ABCA13: variants seen among roughly 807,000 people sequenced by gnomAD.
ABCA13 encodes ATP-binding cassette sub-family A member 13.
ABCA13 carries 476 observed loss-of-function variants against 478.7 expected under a neutral mutation model. The ratio of observed to expected loss-of-function variants is 0.99; its 90% confidence interval spans 0.92 to 1.07. The LOEUF is 1.07. ABCA13 is among the 50% of genes least tolerant of loss of function. The pLI is 0.00. For missense variants in ABCA13, 6,060 were observed against 5,910.6 expected (o/e 1.03, Z -0.83); for synonymous variants, 2,252 against 2,158.9 (o/e 1.04, Z -1.20).
intron 54 of ABCA13, among the ~76,000 whole-genome samples, chr7:48,526,966 C>T (rs1250277709): frequency 6.6e-6 from 1 of 152,052 alleles, no homozygotes; most frequent in Non-Finnish European, 1.5e-5. Flanking sequence ...AATTGTTATC[C>T]TCCCAATTTC....
chr7:48,612,962 A>T (rs1346899688), intron 58 of ABCA13, among the ~76,000 whole-genome samples: 2 of 152,188 alleles, frequency 1.3e-5, no homozygotes, highest in Non-Finnish European at 2.9e-5. Context: ...GTACACATGA[A>T]CACTTTTCCA....
At chr7:48,629,629 A>G (rs1793990726) in intron 59 of ABCA13, among the ~76,000 whole-genome samples, 2 of 148,968 alleles carry the variant, frequency 1.3e-5, no homozygotes, top group Non-Finnish European at 3.0e-5. Context: ...CAGTGGCTTA[A>G]AAAATCATTT....
intron 24 of ABCA13, among the ~76,000 whole-genome samples, chr7:48,310,574 G>A (rs571048473): frequency 6.6e-6 from 1 of 152,258 alleles, no homozygotes; most frequent in Admixed American, 6.5e-5. Flanking sequence ...CTCCCTGCAC[G>A]GTGGCCCTAT....
At chr7:48,453,051 A>G (rs919882725) in intron 42 of ABCA13, among the ~76,000 whole-genome samples, 3 of 152,194 alleles carry the variant, frequency 2.0e-5, no homozygotes, top group African/African-American at 7.2e-5. Context: ...TAGTTTAATG[A>G]CATACTTTTT....
intron 59 of ABCA13, among the ~76,000 whole-genome samples, chr7:48,636,196 T>C (rs1359516011): frequency 3.3e-5 from 5 of 152,334 alleles, no homozygotes; most frequent in African/African-American, 1.2e-4. Flanking sequence ...ATTTGAATGA[T>C]TAAAAGGCAA....
chr7:48,538,733 C>A (rs980342895), intron 55 of ABCA13, among the ~76,000 whole-genome samples: 14 of 150,496 alleles, frequency 9.3e-5, no homozygotes, highest in African/African-American at 3.2e-4. Context: ...CCAAATACAA[C>A]CTCTTCCATT....
In ABCA13 at chr7:48,411,796, G is replaced by T. The variant is rs184646756; in HGVS notation, c.12229-557G>T. On this transcript the variant is annotated intron_variant, in intron 40 of 61. Coordinates refer to ENST00000435803, the MANE Select transcript of ABCA13 (RefSeq NM_152701.5). ...GGTGACTCTGGGGCTGGGATTCAGG[G>T]TGTGTGGGAAATCACCTCTCCACTC... 1.6e-3 allele frequency among the ~76,000 whole-genome samples: 236 copies of T among 152,250 alleles called. 2 individuals are homozygous for T. Among genetic ancestry groups the T allele is most frequent in the Admixed American group, 0.014 (211 of 15,280 alleles).
At chr7:48,534,703 TA>T (rs1833453714) in intron 55 of ABCA13, among the ~76,000 whole-genome samples, 1 of 152,196 alleles carries the variant, frequency 6.6e-6, no homozygotes, top group South Asian at 2.1e-4. Context: ...GTTCATTTTT[TA>T]AAATTCTTTT....
chr7:48,258,505 A>G (rs1343733821), intron 15 of ABCA13, among the ~76,000 whole-genome samples: 2 of 152,024 alleles, frequency 1.3e-5, no homozygotes, highest in Non-Finnish European at 2.9e-5. Flanking sequence ...CTAACAGTCT[A>G]TCAATCTTAT....
At chr7:48,597,246 G>A (rs1318697685) in intron 58 of ABCA13, among the ~76,000 whole-genome samples, 7 of 152,112 alleles carry the variant, frequency 4.6e-5, no homozygotes, top group African/African-American at 1.4e-4. Context: ...CACCATGCCC[G>A]GCCTATGGCA....
At chr7:48,173,040 A>T (rs961688441) in intron 1 of ABCA13, among the ~76,000 whole-genome samples, 16 of 152,120 alleles carry the variant, frequency 1.1e-4, no homozygotes, top group Non-Finnish European at 2.1e-4. Flanking sequence ...ATGCATATCT[A>T]CCTCAAAACA....
intron 10 of ABCA13, among the ~76,000 whole-genome samples, chr7:48,243,541 G>A (rs1006910489): frequency 3.3e-5 from 5 of 152,230 alleles, no homozygotes; most frequent in East Asian, 1.9e-4. Flanking sequence ...GGGTGATGAC[G>A]TGGGGATGGG....
intron 1 of ABCA13, among the ~76,000 whole-genome samples, chr7:48,179,335 G>A (rs149123182): frequency 5.6e-4 from 86 of 152,324 alleles, no homozygotes; most frequent in African/African-American, 2.0e-3. Context: ...ACTCTGGGGG[G>A]CTCCTTTCAA....
intron 58 of ABCA13, among the ~76,000 whole-genome samples, chr7:48,607,119 C>T (rs1270654615): frequency 3.3e-5 from 5 of 152,210 alleles, no homozygotes; most frequent in East Asian, 3.9e-4. Flanking sequence ...ATTTCAAGCC[C>T]GTGGATCTTA....
At chr7:48,563,477 G>A (rs547337601) in intron 55 of ABCA13, among the ~76,000 whole-genome samples, 4 of 152,110 alleles carry the variant, frequency 2.6e-5, no homozygotes, top group African/African-American at 9.7e-5. Context: ...GAAGGACTCA[G>A]ATAAAGAGAT....
intron 48 of ABCA13, among the ~76,000 whole-genome samples, chr7:48,505,521 G>A (rs1831125813): frequency 1.3e-5 from 2 of 152,152 alleles, no homozygotes; most frequent in South Asian, 4.1e-4. Context: ...CAAAATCTAG[G>A]ACTGGCAACA....
At chr7:48,561,846 G>A (rs1372484796) in intron 55 of ABCA13, among the ~76,000 whole-genome samples, 1 of 151,340 alleles carries the variant, frequency 6.6e-6, no homozygotes, top group Non-Finnish European at 1.5e-5. Context: ...TTTTTCCTAC[G>A]AATGTTATAG....
At position 48,389,138 on chromosome 7, in the gene ABCA13, G is replaced by A. The variant is rs1175575556; in HGVS notation, c.11572G>A (p.Val3858Ile). ...TKEYEGHKAV[V>I]QDLSLTFYRD... ...GGAATATGAGGGCCACAAGGCTGTG[G>A]TCCAAGACCTCAGCCTGACCTTCTA... The change falls in exon 37 of 62, where the codon GTC becomes ATC. Residue 3858 changes from valine to isoleucine, a missense_variant. Val to Ile is a conservative substitution (Grantham distance 29). Around this residue, in one of 3 missense-constraint regions of ABCA13, gnomAD observed 1,627 missense variants for 1,571.0 expected, o/e 1.04. Coordinates refer to ENST00000435803, the MANE Select transcript of ABCA13 (RefSeq NM_152701.5). 3.7e-6 allele frequency: 6 copies of A among 1,613,850 alleles called. No homozygotes were observed. The highest frequency in any genetic ancestry group is 2.2e-5 in the South Asian group (2 of 91,074).
intron 23 of ABCA13, among the ~76,000 whole-genome samples, chr7:48,308,483 A>G (rs1442758611): frequency 6.6e-6 from 1 of 152,144 alleles, no homozygotes; most frequent in African/African-American, 2.4e-5. Flanking sequence ...TGTGTGTGAT[A>G]CTTTTGCTAT....
Sources: allele counts gnomAD v4.1 joint callset (sites outside exome capture counted in the v4.1 genomes callset), GRCh38; gene constraint gnomAD v4.1.1; regional missense constraint gnomAD v4.1.1; transcripts MANE v1.5; gene names NCBI Gene and HGNC (gene_info 2026-07-23, HGNC 2026-07-21).